ZNF385D: variants seen among roughly 807,000 people sequenced by gnomAD.
ZNF385D encodes zinc finger protein 385D, also known as zinc finger protein 659.
A neutral mutation model predicts 35.8 loss-of-function variants in ZNF385D; 15 were observed. The observed-to-expected ratio is 0.42, with a 90% CI of 0.28 to 0.64. The LOEUF is 0.64. ZNF385D is among the 30% of genes least tolerant of loss of function. The pLI is 0.23. For missense variants in ZNF385D, 474 were observed against 494.6 expected, an observed-to-expected ratio of 0.96 and a Z score of 0.39; for synonymous variants, 212 against 186.8, an observed-to-expected ratio of 1.13 and a Z score of -1.10.
At chr3:22,290,022 T>C (rs1702219368) in intron 2 of ZNF385D, among the ~76,000 whole-genome samples, 1 of 152,124 alleles carries the variant, frequency 6.6e-6, no homozygotes, top group East Asian at 1.9e-4. Flanking sequence ...TGCCTCAATC[T>C]TGAGAGAAGT....
chr3:22,130,486 G>A lies in ZNF385D; in HGVS notation c.325+38331C>T, dbSNP rs117055033. On this transcript the variant is annotated intron_variant, in intron 3 of 5. Coordinates refer to the ZNF385D transcript ENST00000494108. Reference sequence around the variant, plus strand: ...GAACTCCAGTTCTGATAACTGGGACGGATGATTTCCCCTTGGGTAGCGCTG... The same window carrying A: ...GAACTCCAGTTCTGATAACTGGGACAGATGATTTCCCCTTGGGTAGCGCTG... Among the ~76,000 whole-genome samples the A allele has an allele frequency of 8.2e-4, 125 of 152,228 alleles. 2 individuals carry two copies. The East Asian group carries it at 0.016, about 20-fold the overall frequency.
intron 2 of ZNF385D, among the ~76,000 whole-genome samples, chr3:22,185,985 CTTGT>C (rs1327177899): frequency 2.0e-5 from 3 of 150,974 alleles, no homozygotes; most frequent in East Asian, 3.9e-4. Context: ...CTCATGTTGG[CTTGT>C]TTTAGTTCAA....
intron 2 of ZNF385D, among the ~76,000 whole-genome samples, chr3:22,248,596 G>A (rs1699910008): frequency 6.6e-6 from 1 of 152,034 alleles, no homozygotes; most frequent in Non-Finnish European, 1.5e-5. Flanking sequence ...TTTGATTCTG[G>A]TTTTGTTATT....
intron 4 of ZNF385D, among the ~76,000 whole-genome samples, chr3:21,455,336 T>C (rs1702730261): frequency 6.6e-6 from 1 of 152,146 alleles, no homozygotes; most frequent in African/African-American, 2.4e-5. Context: ...CTTCAAACTA[T>C]ACTACAAGCC....
intron 3 of ZNF385D, among the ~76,000 whole-genome samples, chr3:21,931,400 T>A (rs145971700): frequency 1.1e-4 from 17 of 152,272 alleles, no homozygotes; most frequent in African/African-American, 2.4e-4. Context: ...TCTGAAAATG[T>A]TAAAAATAAA....
At chr3:21,638,843 G>A (rs553835594) in intron 2 of ZNF385D, among the ~76,000 whole-genome samples, 282 of 152,158 alleles carry the variant, frequency 1.9e-3, no homozygotes, top group Non-Finnish European at 2.9e-3. Flanking sequence ...ATTTGACAAG[G>A]AATGTCGAAA....
chr3:21,901,975 C>G (rs535731343), intron 3 of ZNF385D, among the ~76,000 whole-genome samples: 2 of 152,214 alleles, frequency 1.3e-5, no homozygotes, highest in East Asian at 3.9e-4. Flanking sequence ...AGGATGGTCA[C>G]AGTCTCTCTG....
chr3:22,225,029 A>C lies in ZNF385D; in HGVS notation c.107-55994T>G, dbSNP rs551371593. On this transcript the variant is annotated intron_variant, in intron 2 of 5. Transcript: ENST00000494108. ...TATTCTCAAGAAAGAAATTCTGATA[A>C]ATCTCTAATTATATTAACAATGCAA... 7.2e-5 allele frequency among the ~76,000 whole-genome samples: 11 copies of C among 152,290 alleles called. No homozygotes were observed. The East Asian group carries it at 1.9e-3, about 27-fold the overall frequency.
chr3:22,336,311 T>A (rs1299138571), intron 2 of ZNF385D, among the ~76,000 whole-genome samples: 1 of 152,216 alleles, frequency 6.6e-6, no homozygotes, highest in Non-Finnish European at 1.5e-5. Flanking sequence ...CCTGAAATAC[T>A]ATTGCAACTT....
intron 1 of ZNF385D, among the ~76,000 whole-genome samples, chr3:21,725,986 AG>A (rs2068748226): frequency 6.6e-6 from 1 of 152,210 alleles, no homozygotes; most frequent in African/African-American, 2.4e-5. Context: ...ACTACGATCA[AG>A]TCGGCTTCAT....
At chr3:21,433,314 A>G (rs1431351667) in intron 5 of ZNF385D, among the ~76,000 whole-genome samples, 1 of 152,178 alleles carries the variant, frequency 6.6e-6, no homozygotes, top group Non-Finnish European at 1.5e-5. Context: ...ATAGATGCAC[A>G]TTTCTATACT....
chr3:21,444,976 G>A (rs1702071365), intron 4 of ZNF385D, among the ~76,000 whole-genome samples: 1 of 152,160 alleles, frequency 6.6e-6, no homozygotes. Flanking sequence ...CTAATGAGAT[G>A]AAGAAGGGGC....
intron 3 of ZNF385D, among the ~76,000 whole-genome samples, chr3:21,954,076 G>T (rs1263821150): frequency 6.6e-6 from 1 of 151,904 alleles, no homozygotes; most frequent in Non-Finnish European, 1.5e-5. Flanking sequence ...TTTAATCACA[G>T]CATAAGTGCT....
chr3:22,371,136 T>C (rs1425639622), intron 2 of ZNF385D, among the ~76,000 whole-genome samples: 1 of 152,176 alleles, frequency 6.6e-6, no homozygotes, highest in African/African-American at 2.4e-5. Flanking sequence ...GACCCATATT[T>C]GCCTTTCATG....
intron 3 of ZNF385D, among the ~76,000 whole-genome samples, chr3:22,125,472 G>A (rs767036434): frequency 1.1e-4 from 16 of 151,958 alleles, no homozygotes; most frequent in Non-Finnish European, 1.8e-4. Flanking sequence ...ATTCTGACAA[G>A]GATTGCATTG....
At chr3:22,265,551 C>A (rs1234746233) in intron 2 of ZNF385D, among the ~76,000 whole-genome samples, 1 of 151,942 alleles carries the variant, frequency 6.6e-6, no homozygotes, top group African/African-American at 2.4e-5. Context: ...ACTCAATTGA[C>A]CTTGTCGCCA....
chr3:21,808,421 A>G (rs2072752947), intron 3 of ZNF385D, among the ~76,000 whole-genome samples: 2 of 152,128 alleles, frequency 1.3e-5, no homozygotes, highest in Non-Finnish European at 1.5e-5. Flanking sequence ...GACTATGAAA[A>G]GGAGAACTGC....
intron 3 of ZNF385D, among the ~76,000 whole-genome samples, chr3:21,792,064 C>T (rs1402929380): frequency 6.6e-6 from 1 of 152,132 alleles, no homozygotes; most frequent in Non-Finnish European, 1.5e-5. Context: ...TTGGTCTTTT[C>T]TGCAAAAGAC....
intron 2 of ZNF385D, among the ~76,000 whole-genome samples, chr3:21,632,751 T>C (rs916594262): frequency 1.3e-5 from 2 of 152,132 alleles, no homozygotes; most frequent in African/African-American, 4.8e-5. Context: ...CTCTGCTGGA[T>C]TGGCTGTGAC....
Sources: allele counts gnomAD v4.1 joint callset (sites outside exome capture counted in the v4.1 genomes callset), GRCh38; gene constraint gnomAD v4.1.1; transcripts MANE v1.5; gene names NCBI Gene and HGNC (gene_info 2026-07-23, HGNC 2026-07-21).